Variants in MET observed in about 807,000 individuals in gnomAD.
The protein encoded by MET is hepatocyte growth factor receptor.
A neutral mutation model predicts 133.1 loss-of-function variants in MET; 48 were observed. The observed-to-expected ratio is 0.36, with a 90% CI of 0.29 to 0.46. MET has a LOEUF of 0.46. Ranked by LOEUF, MET falls within the 20% of genes least tolerant of loss-of-function variation. The probability of loss-of-function intolerance (pLI) is 1.00; values close to 1 mark genes in which losing one functional copy is unlikely to be tolerated. For missense variants in MET, 1,442 were observed against 1,695.9 expected (o/e 0.85, Z 2.63); for synonymous variants, 628 against 616.5 (o/e 1.02, Z -0.28).
At chr7:116,791,391 T>C (rs567128834) in intron 19 of MET, among the ~76,000 whole-genome samples, 6 of 152,190 alleles carry the variant, frequency 3.9e-5, no homozygotes, top group Non-Finnish European at 8.8e-5. Flanking sequence ...TTGTTAGTCA[T>C]TCTAATTGGT....
At chr7:116,696,056 A>T (rs1796956132) in intron 1 of MET, among the ~76,000 whole-genome samples, 1 of 151,922 alleles carries the variant, frequency 6.6e-6, no homozygotes, top group Non-Finnish European at 1.5e-5. Flanking sequence ...TGTAGTAGAG[A>T]TGGGGGTTCA....
rs368150874 is a variant in MET, at chr7:116,783,474, T to C, written c.3798+5T>C. 2.2e-4 allele frequency: 353 copies of C among 1,614,074 alleles called. 1 individual carries two copies. The highest frequency in any genetic ancestry group is 2.8e-4 in the Non-Finnish European group (333 of 1,179,970). ...TTTACCACCAAGTCAGATGTGGTAA[T>C]GTATTGGTTATCTCTGAGTTTCTCC... On this transcript the variant is annotated splice_donor_5th_base_variant and intron_variant, in intron 19 of 20. Coordinates refer to ENST00000397752, the MANE Select transcript of MET (RefSeq NM_000245.4).
At chr7:116,748,954 C>T (rs1208449243) in intron 5 of MET, among the ~76,000 whole-genome samples, 2 of 152,160 alleles carry the variant, frequency 1.3e-5, no homozygotes, top group Non-Finnish European at 2.9e-5. Context: ...GCAATTGAGA[C>T]AGTAATTAAC....
At chr7:116,786,669 A>T (rs954338953) in intron 19 of MET, among the ~76,000 whole-genome samples, 3 of 152,246 alleles carry the variant, frequency 2.0e-5, no homozygotes, top group Non-Finnish European at 4.4e-5. Context: ...CACTTATTCT[A>T]TTCACATGTT....
intron 3 of MET, among the ~76,000 whole-genome samples, chr7:116,739,398 T>TA (rs57097899): frequency 0.044 from 6,730 of 152,186 alleles, 187 homozygotes; most frequent in African/African-American, 0.069. Context: ...CAGTGGTTTA[T>TA]AAAAAAATAC....
In MET at chr7:116,755,583, C is replaced by A. The variant is rs142534912; in HGVS notation, c.1862+68C>A. On this transcript the variant is annotated intron_variant, in intron 6 of 20. Coordinates refer to ENST00000397752, the MANE Select transcript of MET (RefSeq NM_000245.4). Reference sequence around the variant, plus strand: ...AGGTTTTGTTTTTGAATGAATATTTCTTTTAAAATTGCTCAAGAAGCTCAT... The same window carrying A: ...AGGTTTTGTTTTTGAATGAATATTTATTTTAAAATTGCTCAAGAAGCTCAT... 4.6e-4 allele frequency: 733 copies of A among 1,590,620 alleles called. 3 individuals carry two copies. The African/African-American group carries it at 5.1e-3, about 11-fold the overall frequency.
chr7:116,740,748 T>C, intron 4 of MET, 104 bp from the exon 5 acceptor site: 1 of 1,426,440 alleles, frequency 7.0e-7, no homozygotes, highest in Non-Finnish European at 9.8e-7. Context: ...GTCTAGAAAA[T>C]TCCATCAAAT....
chr7:116,745,030 C>T (rs1793613612), intron 5 of MET, among the ~76,000 whole-genome samples: 1 of 152,180 alleles, frequency 6.6e-6, no homozygotes, highest in Non-Finnish European at 1.5e-5. Flanking sequence ...TTAGAAAACT[C>T]CATCGTCTCA....
intron 11 of MET, among the ~76,000 whole-genome samples, chr7:116,766,163 A>G (rs756918159): frequency 1.1e-4 from 17 of 152,184 alleles, no homozygotes; most frequent in Non-Finnish European, 1.9e-4. Flanking sequence ...CTGACTTTTT[A>G]TGCATGAGCA....
At chr7:116,787,622 C>T (rs748742882) in intron 19 of MET, among the ~76,000 whole-genome samples, 13 of 152,196 alleles carry the variant, frequency 8.5e-5, no homozygotes, top group Non-Finnish European at 1.3e-4. Context: ...CATTAATTCA[C>T]CCATGAGAGT....
chr7:116,752,968 T>C (rs1004985867), intron 5 of MET, among the ~76,000 whole-genome samples: 2 of 152,158 alleles, frequency 1.3e-5, no homozygotes, highest in African/African-American at 4.8e-5. Context: ...TCCTACTGGA[T>C]TTCTACCATA....
intron 2 of MET, among the ~76,000 whole-genome samples, chr7:116,713,417 G>A (rs1792078674): frequency 6.6e-6 from 1 of 150,528 alleles, no homozygotes; most frequent in African/African-American, 2.5e-5. Flanking sequence ...AAAAGGAAAA[G>A]AAGTTAAGGG....
At chr7:116,742,154 G>A (rs968039946) in intron 5 of MET, among the ~76,000 whole-genome samples, 13 of 152,136 alleles carry the variant, frequency 8.5e-5, no homozygotes, top group African/African-American at 1.2e-4. Flanking sequence ...CAAAATGTGC[G>A]AGTCAGAACA....
intron 11 of MET, among the ~76,000 whole-genome samples, chr7:116,768,011 CAT>C (rs1794691979): frequency 1.6e-5 from 2 of 127,048 alleles, no homozygotes; most frequent in Non-Finnish European, 3.4e-5. Context: ...TGTGTGTATA[CAT>C]ATGTGTGTGT....
intron 15 of MET, 40 bp downstream of exon 15, chr7:116,775,151 C>A (rs1794956863): frequency 1.3e-6 from 2 of 1,591,794 alleles, no homozygotes; most frequent in Non-Finnish European, 1.7e-6. Flanking sequence ...ATACGATTTT[C>A]CAGTAAGCAT....
At chr7:116,754,989 A>AAAGAAAGAAAGG (rs1794107584) in intron 5 of MET, among the ~76,000 whole-genome samples, 1 of 142,048 alleles carries the variant, frequency 7.0e-6, no homozygotes, top group Non-Finnish European at 1.5e-5. Context: ...GAAAGGAAAG[A>AAAGAAAGAAAGG]AAGAAAGAAA....
intron 1 of MET, among the ~76,000 whole-genome samples, chr7:116,690,177 G>A (rs934061888): frequency 1.3e-5 from 2 of 152,124 alleles, no homozygotes; most frequent in African/African-American, 4.8e-5. Flanking sequence ...CACAAGTTAG[G>A]ATAATAAGCA....
chr7:116,733,350 T>C (rs1004304246), intron 3 of MET, among the ~76,000 whole-genome samples: 7 of 149,538 alleles, frequency 4.7e-5, no homozygotes, highest in African/African-American at 1.5e-4. Context: ...TATTTCTGCT[T>C]TTTTTTTTTT....
intron 1 of MET, among the ~76,000 whole-genome samples, chr7:116,679,133 A>G (rs2116463447): frequency 6.6e-6 from 1 of 152,326 alleles, no homozygotes; most frequent in Admixed American, 6.5e-5. Flanking sequence ...CTGTTTTGTA[A>G]TATAAATACA....
Sources: gnomAD v4.1 joint callset for allele counts (sites outside exome capture counted in the v4.1 genomes callset) on GRCh38, gnomAD v4.1.1 for gene constraint, MANE v1.5 for transcripts, NCBI Gene and HGNC (gene_info 2026-07-23, HGNC 2026-07-21) for gene names.